MAML3: variants seen among roughly 807,000 people sequenced by gnomAD.
MAML3 encodes mastermind-like protein 3.
A neutral mutation model predicts 101.9 loss-of-function variants in MAML3; 27 were observed. That is an observed-to-expected ratio of 0.27 (90% CI 0.20 to 0.37). The LOEUF (loss-of-function observed/expected upper bound fraction) is 0.37, where lower values mean the gene tolerates loss of function less well. Among genes scored for constraint, MAML3 ranks in the 10% least tolerant of loss-of-function variants. The pLI, the probability that MAML3 is intolerant of heterozygous loss-of-function variation, is 1.00. For synonymous variants in MAML3, 501 were observed against 555.9 expected (o/e 0.90, Z 1.39); for missense variants, 1,316 against 1,444.9 (o/e 0.91, Z 1.45).
At chr4:140,092,768 C>G (rs1161171623) in intron 1 of MAML3, among the ~76,000 whole-genome samples, 2 of 152,150 alleles carry the variant, frequency 1.3e-5, no homozygotes, top group Non-Finnish European at 2.9e-5. Flanking sequence ...AAGGTATTCT[C>G]CTATCGCAGA....
At chr4:139,794,797 G>A (rs1364669078) in intron 2 of MAML3, among the ~76,000 whole-genome samples, 1 of 152,218 alleles carries the variant, frequency 6.6e-6, no homozygotes, top group African/African-American at 2.4e-5. Context: ...ACTGCCAACA[G>A]TCTTTGCTCC....
chr4:139,834,392 C>A (rs1258629103), intron 2 of MAML3, among the ~76,000 whole-genome samples: 2 of 152,208 alleles, frequency 1.3e-5, no homozygotes, highest in Non-Finnish European at 2.9e-5. Context: ...AGTAGCTTTG[C>A]ACCAGCCACT....
chr4:139,905,807 A>G (rs760174800), intron 1 of MAML3, among the ~76,000 whole-genome samples: 2 of 152,072 alleles, frequency 1.3e-5, no homozygotes, highest in Non-Finnish European at 2.9e-5. Flanking sequence ...CTCTTCTTAT[A>G]TAGATAATAG....
intron 1 of MAML3, among the ~76,000 whole-genome samples, chr4:140,147,941 C>T (rs1353713389): frequency 6.6e-6 from 1 of 151,920 alleles, no homozygotes; most frequent in East Asian, 1.9e-4. Flanking sequence ...TGTGCACGTG[C>T]ATGCATGAGA....
chr4:139,822,165 G>C (rs1730983381), intron 2 of MAML3, among the ~76,000 whole-genome samples: 1 of 150,358 alleles, frequency 6.7e-6, no homozygotes, highest in African/African-American at 2.5e-5. Flanking sequence ...ATGATCATCA[G>C]GATCAACATC....
At chr4:140,038,919 A>G (rs2110903977) in intron 1 of MAML3, among the ~76,000 whole-genome samples, 1 of 152,244 alleles carries the variant, frequency 6.6e-6, no homozygotes, top group East Asian at 1.9e-4. Flanking sequence ...TCACGAGGTC[A>G]GGAGATCCGA....
At chr4:140,068,933 T>C (rs547259371) in intron 1 of MAML3, among the ~76,000 whole-genome samples, 1 of 152,316 alleles carries the variant, frequency 6.6e-6, no homozygotes, top group East Asian at 1.9e-4. Context: ...ACCTCCCTAT[T>C]GCAACCAAAC....
At chr4:139,802,334 T>C (rs1465518849) in intron 2 of MAML3, among the ~76,000 whole-genome samples, 1 of 152,170 alleles carries the variant, frequency 6.6e-6, no homozygotes, top group Non-Finnish European at 1.5e-5. Flanking sequence ...TTAGGATCTA[T>C]CACTGTGTTC....
intron 2 of MAML3, among the ~76,000 whole-genome samples, chr4:139,848,115 T>C (rs1443464370): frequency 6.6e-6 from 1 of 152,214 alleles, no homozygotes; most frequent in Non-Finnish European, 1.5e-5. Flanking sequence ...TCCTCTTCAA[T>C]TGACAAAAGA....
intron 1 of MAML3, among the ~76,000 whole-genome samples, chr4:140,058,449 A>G (rs1189304061): frequency 6.6e-6 from 1 of 151,966 alleles, no homozygotes; most frequent in Non-Finnish European, 1.5e-5. Context: ...AAGAAAAGAG[A>G]ACCTAACATT....
intron 1 of MAML3, among the ~76,000 whole-genome samples, chr4:139,902,824 T>C (rs1017036084): frequency 6.6e-6 from 1 of 152,230 alleles, no homozygotes; most frequent in African/African-American, 2.4e-5. Context: ...CACTGACTTC[T>C]GTGGGCAGCG....
intron 1 of MAML3, among the ~76,000 whole-genome samples, chr4:139,909,836 C>G (rs1364868625): frequency 1.7e-5 from 1 of 58,730 alleles, no homozygotes; most frequent in Non-Finnish European, 3.1e-5. Flanking sequence ...GATGCCGTCT[C>G]AAAAAAAAAA....
intron 1 of MAML3, among the ~76,000 whole-genome samples, chr4:140,034,966 T>C (rs1726960867): frequency 6.6e-6 from 1 of 152,194 alleles, no homozygotes; most frequent in Non-Finnish European, 1.5e-5. Context: ...TCCAACAATA[T>C]GAACCAAGGA....
intron 1 of MAML3, among the ~76,000 whole-genome samples, chr4:140,147,026 G>T (rs112091882): frequency 1.3e-5 from 2 of 150,718 alleles, no homozygotes; most frequent in Admixed American, 6.6e-5. Context: ...TCAGCTACTC[G>T]GGAGGCTGAG....
intron 1 of MAML3, among the ~76,000 whole-genome samples, chr4:140,033,840 G>A (rs1457894370): frequency 6.6e-6 from 1 of 152,188 alleles, no homozygotes; most frequent in Non-Finnish European, 1.5e-5. Flanking sequence ...ATGTCTGCTT[G>A]CATTAAGCAG....
chr4:140,147,991 A>G (rs1729094670), intron 1 of MAML3, among the ~76,000 whole-genome samples: 1 of 152,188 alleles, frequency 6.6e-6, no homozygotes, highest in South Asian at 2.1e-4. Flanking sequence ...CCAAATGGGC[A>G]GGAAAACTTC....
chr4:140,138,533 A>T (rs1728933543), intron 1 of MAML3, among the ~76,000 whole-genome samples: 1 of 152,246 alleles, frequency 6.6e-6, no homozygotes, highest in Non-Finnish European at 1.5e-5. Context: ...GGATGGGAAT[A>T]GTAAGAGAAT....
chr4:140,084,001 G>T (rs1245470368), intron 1 of MAML3, among the ~76,000 whole-genome samples: 3 of 129,796 alleles, frequency 2.3e-5, no homozygotes, highest in African/African-American at 8.9e-5. Flanking sequence ...GAGAGAGAGA[G>T]AGAGAATAAT....
chr4:139,753,292 C>T (rs971162100), intron 2 of MAML3, among the ~76,000 whole-genome samples: 1 of 152,194 alleles, frequency 6.6e-6, no homozygotes, highest in African/African-American at 2.4e-5. Context: ...AACAGAAACT[C>T]TGTACCCATT....
Sources: gnomAD v4.1 joint callset for allele counts (sites outside exome capture counted in the v4.1 genomes callset) on GRCh38, gnomAD v4.1.1 for gene constraint, MANE v1.5 for transcripts, NCBI Gene and HGNC (gene_info 2026-07-23, HGNC 2026-07-21) for gene names.